MTG1: variants seen among roughly 807,000 people sequenced by gnomAD.
MTG1 encodes the protein mitochondrial ribosome-associated GTPase 1.
Under a neutral mutation model 39.5 loss-of-function variants are expected in MTG1, and 30 were observed. That is an observed-to-expected ratio of 0.76 (90% confidence interval 0.57 to 1.03). MTG1 has a LOEUF of 1.03. Ranked by LOEUF, MTG1 falls within the 50% of genes least tolerant of loss-of-function variation. MTG1 has a pLI of 0.00. For missense variants in MTG1, 513 were observed against 447.4 expected, an observed-to-expected ratio of 1.15 and a Z score of -1.32; for synonymous variants, 217 against 179.0, an observed-to-expected ratio of 1.21 and a Z score of -1.69.
At chr10:133,399,974 T>C (rs79042946) in intron 6 of MTG1, among the ~76,000 whole-genome samples, 1 of 152,168 alleles carries the variant, frequency 6.6e-6, no homozygotes, top group African/African-American at 2.4e-5. Context: ...GGGCGGATCA[T>C]GAGGTCAGGA....
At chr10:133,397,572 G>A (rs1849802041) in intron 3 of MTG1, among the ~76,000 whole-genome samples, 1 of 151,056 alleles carries the variant, frequency 6.6e-6, no homozygotes, top group Admixed American at 6.6e-5. Flanking sequence ...TCTGCCTCCC[G>A]GGTTCACGCC....
At chr10:133,401,328 G>GTT (rs1564819470) in intron 6 of MTG1, 8 of 498,096 alleles carry the variant, frequency 1.6e-5, no homozygotes, top group Non-Finnish European at 2.5e-5. Context: ...TTATAGCCTT[G>GTT]GGAAGCTCAT....
intron 9 of MTG1, among the ~76,000 whole-genome samples, chr10:133,409,761 C>G (rs1018792658): frequency 1.3e-5 from 2 of 152,176 alleles, no homozygotes; most frequent in Non-Finnish European, 2.9e-5. Context: ...ACCCCTTTAT[C>G]AATCGTATAG....
At chr10:133,399,281 C>CA in intron 5 of MTG1, 55 bp downstream of exon 5, 1 of 1,582,434 alleles carries the variant, frequency 6.3e-7, no homozygotes, top group Non-Finnish European at 8.7e-7. Flanking sequence ...GATGGGCCAG[C>CA]CCCTCCTGCC....
At position 133,394,322 on chromosome 10, in the gene MTG1, C is replaced by CT. The variant is rs1564817172; in HGVS notation, c.102_103insT (p.Met35TyrfsTer42). On this transcript the variant is annotated frameshift_variant, in exon 1 of 11. Coordinates refer to ENST00000317502, the MANE Select transcript of MTG1 (RefSeq NM_138384.4). LOFTEE classifies it high-confidence loss of function. ...ACGTGGCGCGCTGGTTCCCGGGCCA[C>CT]ATGGCCAAGGGTGAGGCACGGCGGG... 17 of 1,509,166 alleles carry CT rather than the reference C, an allele frequency of 1.1e-5. No individual in the cohort carries two copies. Among genetic ancestry groups the CT allele is most frequent in the Non-Finnish European group, 1.5e-5 (17 of 1,133,376 alleles). The allele number at this position is 1,509,166 out of a possible 1,614,324, so 93.5% of individuals were successfully genotyped here. A position where few individuals can be genotyped will look rare whatever the true frequency, so the allele number is the denominator to read the frequency against.
intron 3 of MTG1, 87 bp from the exon 4 acceptor site, chr10:133,398,348 C>T (rs887446991): frequency 1.2e-5 from 16 of 1,344,028 alleles, no homozygotes; most frequent in East Asian, 7.1e-5. Context: ...TGCAGGGAGC[C>T]GAGATTGTGC....
At position 133,406,898 on chromosome 10, in the gene MTG1, C is replaced by T. The variant is rs113419801; in HGVS notation, c.752+4125C>T. The stretch of plus-strand genomic sequence containing the variant: ...CAGGCTGGTCTTGAACTCCTGACCT[C>T]GTGATCCACCTGCCTTGGCCTGTAA... On this transcript the variant is annotated intron_variant, in intron 9 of 10. Coordinates refer to ENST00000317502, the MANE Select transcript of MTG1 (RefSeq NM_138384.4). Among the ~76,000 whole-genome samples, 395 of 152,214 alleles carry T rather than the reference C, an allele frequency of 2.6e-3. 4 individuals are homozygous for T. Among genetic ancestry groups the T allele is most frequent in the African/African-American group, 9.0e-3 (375 of 41,528 alleles).
At chr10:133,401,287 T>G (rs2133497414) in intron 6 of MTG1, 7 of 425,038 alleles carry the variant, frequency 1.6e-5, no homozygotes, top group Non-Finnish European at 2.1e-5. Context: ...GCCCTTGCTG[T>G]GAGCTGGTTT....
At chr10:133,395,412 C>T (rs919445490) in intron 1 of MTG1, among the ~76,000 whole-genome samples, 2 of 152,112 alleles carry the variant, frequency 1.3e-5, no homozygotes, top group Admixed American at 1.3e-4. Flanking sequence ...AAAAAAGCGA[C>T]CCATGCACGT....
intron 9 of MTG1, among the ~76,000 whole-genome samples, chr10:133,413,618 T>C (rs1379051263): frequency 6.6e-6 from 1 of 152,196 alleles, no homozygotes; most frequent in Non-Finnish European, 1.5e-5. Context: ...TTTAAACGAT[T>C]CTACTGTATC....
chr10:133,395,765 C>G lies in MTG1; in HGVS notation c.165C>G (p.Val55=). 4.3e-6 allele frequency: 7 copies of G among 1,613,990 alleles called. No homozygotes were observed. Among genetic ancestry groups the G allele is most frequent in the Non-Finnish European group, 5.9e-6 (7 of 1,179,974 alleles). ...SLKLVDCIIE[V]HDARIPLSGR... ...AGCTGGTGGACTGTATCATCGAGGT[C>G]CACGATGCCCGGATATCCTTTCACA... Residue 55 remains valine (V), a synonymous_variant, in exon 2 of 11, where the codon GTC becomes GTG. Transcript: ENST00000317502.
rs1289446890 is a variant in MTG1, at chr10:133,414,524, C to T, written c.753-4956C>T. ...GCGGAGGGGCTCCTCACATCCCAGA[C>T]GGGGTCGCGGCCGGGCAGAGGCGCT... On this transcript the variant is annotated intron_variant, in intron 9 of 10. Coordinates refer to ENST00000317502, the MANE Select transcript of MTG1 (RefSeq NM_138384.4). Among the ~76,000 whole-genome samples the T allele has an allele frequency of 4.0e-5, 6 of 151,762 alleles. No homozygotes were observed. The East Asian group carries it at 7.8e-4, about 20-fold the overall frequency.
chr10:133,398,678 C>G (rs1286504539), intron 4 of MTG1, among the ~76,000 whole-genome samples, 163 bp downstream of exon 4: 1 of 152,202 alleles, frequency 6.6e-6, no homozygotes. Context: ...GCAAGTGGGT[C>G]TCCCTGTACT....
chr10:133,400,739 T>C (rs1849862496), intron 6 of MTG1, among the ~76,000 whole-genome samples: 1 of 152,224 alleles, frequency 6.6e-6, no homozygotes, highest in Admixed American at 6.5e-5. Flanking sequence ...AATGAAACTC[T>C]GTAAATACAA....
chr10:133,394,183 A>C lies in MTG1; in HGVS notation c.-38A>C. Reference sequence around the variant, plus strand: ...GAGGCGGGTCGCAGCGGCGCAGAGGAGGTCAGCTGCGGGAGCGTTTCCGGG... The same window carrying C: ...GAGGCGGGTCGCAGCGGCGCAGAGGCGGTCAGCTGCGGGAGCGTTTCCGGG... On this transcript the variant is annotated 5_prime_UTR_variant, in exon 1 of 11. Transcript: ENST00000317502. 6.9e-7 allele frequency: 1 copy of C among 1,443,966 alleles called. No individual in the cohort carries two copies. The allele number at this position is 1,443,966 out of a possible 1,614,324, so 89.4% of individuals were successfully genotyped here.
At position 133,396,029 on chromosome 10, in the gene MTG1, T is replaced by A; in HGVS notation, c.178-134T>A. 1.9e-5 allele frequency: 17 copies of A among 889,964 alleles called. No homozygotes were observed. In the South Asian group the frequency reaches 2.6e-4, roughly 13 times the overall value. 55.1% of individuals were successfully genotyped at this position (889,964 alleles called of 1,614,324 possible). ...ATGGGCTATGAAACTGTTTAAATGT[T>A]CCTGCCAACTGGGGCTTTTCTCCTG... On this transcript the variant is annotated intron_variant, in intron 2 of 10. Coordinates refer to ENST00000317502, the MANE Select transcript of MTG1 (RefSeq NM_138384.4).
intron 9 of MTG1, among the ~76,000 whole-genome samples, chr10:133,408,774 G>GC (rs1243800017): frequency 3.3e-5 from 5 of 152,228 alleles, no homozygotes; most frequent in Non-Finnish European, 5.9e-5. Flanking sequence ...GCTCAGTCTT[G>GC]CAGGGTGTTT....
At chr10:133,403,927 A>C (rs911464323) in intron 9 of MTG1, among the ~76,000 whole-genome samples, 2 of 152,090 alleles carry the variant, frequency 1.3e-5, no homozygotes, top group Admixed American at 6.5e-5. Context: ...CTCTAAGATC[A>C]GTCTTTAACT....
intron 3 of MTG1, among the ~76,000 whole-genome samples, chr10:133,397,819 AGTT>A (rs1423633292): frequency 6.8e-6 from 1 of 146,524 alleles, no homozygotes; most frequent in African/African-American, 2.6e-5. Context: ...TGTTTTCACT[AGTT>A]GGTACTTTTA....
Sources: allele counts gnomAD v4.1 joint callset (sites outside exome capture counted in the v4.1 genomes callset), GRCh38; gene constraint gnomAD v4.1.1; transcripts MANE v1.5; gene names NCBI Gene and HGNC (gene_info 2026-07-23, HGNC 2026-07-21).